THRB: variants seen among roughly 807,000 people sequenced by gnomAD.
THRB encodes the protein nuclear receptor subfamily 1 group A member 2.
In THRB, 12 loss-of-function variants were observed where a neutral mutation model predicts 47.8. The observed-to-expected ratio is 0.25, with a 90% CI of 0.16 to 0.41. The LOEUF (loss-of-function observed/expected upper bound fraction) is 0.41. Ranked by LOEUF, THRB falls within the 10% of genes least tolerant of loss-of-function variation. THRB has a pLI of 1.00. For synonymous variants in THRB, 218 were observed against 212.2 expected (o/e 1.03, Z -0.24); for missense variants, 348 against 589.2 (o/e 0.59, Z 4.24).
chr3:24,256,564 A>G (rs1170675825), intron 3 of THRB, among the ~76,000 whole-genome samples: 1 of 152,204 alleles, frequency 6.6e-6, no homozygotes, highest in Non-Finnish European at 1.5e-5. Flanking sequence ...AGAGGGAAAA[A>G]GATAACTCAT....
At chr3:24,134,048 G>A (rs1320874643) in intron 8 of THRB, among the ~76,000 whole-genome samples, 1 of 152,178 alleles carries the variant, frequency 6.6e-6, no homozygotes, top group Admixed American at 6.5e-5. Context: ...AGGAAACTTG[G>A]CAAACTTTAG....
Position 24,165,538 on chromosome 3 carries a change from A to C in THRB, c.284-13048T>G, listed in dbSNP as rs9864875. On this transcript the variant is annotated intron_variant, in intron 5 of 10. Transcript: ENST00000646209. ...AGCAACCCAGCCTGCTTTACTTTGTAATAGCACCTGATGTGCTAAAATCCT... is the reference window on the plus strand; with the variant it reads ...AGCAACCCAGCCTGCTTTACTTTGTCATAGCACCTGATGTGCTAAAATCCT... 79 of 569,076 alleles carry C rather than the reference A, an allele frequency of 1.4e-4. No homozygotes were observed. The African/African-American group carries it at 1.5e-3, about 11-fold the overall frequency. 35.3% of individuals were successfully genotyped at this position (569,076 alleles called of 1,614,324 possible).
At chr3:24,186,545 A>G (rs1166081268) in intron 5 of THRB, among the ~76,000 whole-genome samples, 4 of 152,230 alleles carry the variant, frequency 2.6e-5, no homozygotes. Flanking sequence ...GATCTGCAAC[A>G]GAATGTAAGG....
At chr3:24,136,773 G>A (rs1216703419) in intron 8 of THRB, among the ~76,000 whole-genome samples, 2 of 152,154 alleles carry the variant, frequency 1.3e-5, no homozygotes, top group Non-Finnish European at 2.9e-5. Context: ...GCTCATGGTG[G>A]TATTTTCAAC....
At chr3:24,269,442 C>CACT (rs58200122) in intron 3 of THRB, among the ~76,000 whole-genome samples, 1 of 141,044 alleles carries the variant, frequency 7.1e-6, no homozygotes, top group Non-Finnish European at 1.5e-5. Flanking sequence ...CACACACACA[C>CACT]TTAAGTTATC....
At chr3:24,126,676 A>G (rs184203191) in intron 10 of THRB, among the ~76,000 whole-genome samples, 1 of 152,194 alleles carries the variant, frequency 6.6e-6, no homozygotes, top group East Asian at 1.9e-4. Context: ...AATGCAGAGG[A>G]CTCTGAAACC....
chr3:24,475,869 A>C (rs1263235874), intron 1 of THRB, among the ~76,000 whole-genome samples: 1 of 152,244 alleles, frequency 6.6e-6, no homozygotes, highest in Non-Finnish European at 1.5e-5. Flanking sequence ...AGTTCCTTAA[A>C]AGCATATGTA....
intron 4 of THRB, among the ~76,000 whole-genome samples, chr3:24,224,122 A>G (rs1317237255): frequency 6.6e-6 from 1 of 152,216 alleles, no homozygotes; most frequent in Non-Finnish European, 1.5e-5. Flanking sequence ...AAAAGTTTTT[A>G]AAGCTGTTCA....
intron 1 of THRB, among the ~76,000 whole-genome samples, chr3:24,391,882 G>A (rs1258065730): frequency 6.6e-6 from 1 of 152,094 alleles, no homozygotes; most frequent in Non-Finnish European, 1.5e-5. Flanking sequence ...GCGGTAATGG[G>A]AATTATTATG....
intron 8 of THRB, among the ~76,000 whole-genome samples, chr3:24,138,816 A>G (rs2035044579): frequency 1.3e-5 from 2 of 152,206 alleles, no homozygotes; most frequent in Admixed American, 6.5e-5. Flanking sequence ...ATCAGACAGT[A>G]TCTCTGCCAG....
chr3:24,337,725 T>C (rs1291518871), intron 1 of THRB, among the ~76,000 whole-genome samples: 1 of 152,190 alleles, frequency 6.6e-6, no homozygotes, highest in African/African-American at 2.4e-5. Context: ...TCAAACTGTT[T>C]AGCCACTGTG....
chr3:24,117,357 T>C lies in THRB; in HGVS notation c.*5527A>G, dbSNP rs1358835203. 6.6e-6 allele frequency: 1 copy of C among 152,224 alleles called. No homozygotes were observed. Among genetic ancestry groups the C allele is most frequent in the African/African-American group, 2.4e-5 (1 of 41,466 alleles). The allele number at this position is 152,224 out of a possible 1,614,324, so 9.4% of individuals were successfully genotyped here. ...AAGACTTAGAATTTTCTTTCAGGAA[T>C]CATCTTGCCTCAACTCTCAGTCCAT... On this transcript the variant is annotated 3_prime_UTR_variant, in exon 11 of 11. Coordinates refer to ENST00000646209, the MANE Select transcript of THRB (RefSeq NM_001354712.2).
chr3:24,441,390 G>A (rs1359871237), intron 1 of THRB, among the ~76,000 whole-genome samples: 3 of 152,186 alleles, frequency 2.0e-5, no homozygotes, highest in Non-Finnish European at 4.4e-5. Flanking sequence ...ACTTAACGTG[G>A]CTGAGGCATA....
At chr3:24,265,026 G>A (rs908192358) in intron 3 of THRB, among the ~76,000 whole-genome samples, 1 of 152,124 alleles carries the variant, frequency 6.6e-6, no homozygotes. Context: ...AGAATGCCTC[G>A]AGGGGAAAGT....
At chr3:24,153,991 GA>G (rs1341577264) in intron 5 of THRB, among the ~76,000 whole-genome samples, 1 of 151,888 alleles carries the variant, frequency 6.6e-6, no homozygotes, top group Non-Finnish European at 1.5e-5. Flanking sequence ...TTGCTTTTCA[GA>G]AAAAAAGCCA....
chr3:24,423,464 G>A (rs59212267), intron 1 of THRB, among the ~76,000 whole-genome samples: 37,605 of 151,358 alleles, frequency 0.25, 5,233 homozygotes, highest in East Asian at 0.36. Context: ...TATTTCCATA[G>A]ACAAGTAAAC....
chr3:24,190,464 G>C, intron 4 of THRB, 130 bp from the exon 5 acceptor site: 1 of 1,170,348 alleles, frequency 8.5e-7, no homozygotes, highest in Non-Finnish European at 1.3e-6. Flanking sequence ...CACTTGACGG[G>C]AGTGATAAGA....
chr3:24,461,458 A>T (rs1036920446), intron 1 of THRB, among the ~76,000 whole-genome samples: 8 of 152,238 alleles, frequency 5.3e-5, no homozygotes, highest in Non-Finnish European at 1.0e-4. Context: ...CTTTATTAGC[A>T]TTATAAAAAA....
At chr3:24,175,232 T>A (rs1424338034) in intron 5 of THRB, among the ~76,000 whole-genome samples, 2 of 152,214 alleles carry the variant, frequency 1.3e-5, no homozygotes, top group African/African-American at 4.8e-5. Flanking sequence ...AAGTAATGGG[T>A]TGTAGGGTCC....
Sources: gnomAD v4.1 joint callset for allele counts (sites outside exome capture counted in the v4.1 genomes callset) on GRCh38, gnomAD v4.1.1 for gene constraint, MANE v1.5 for transcripts, NCBI Gene and HGNC (gene_info 2026-07-23, HGNC 2026-07-21) for gene names.